Variants in DCK observed in about 807,000 individuals in gnomAD.
The protein encoded by DCK is deoxycytidine kinase.
DCK carries 23 observed loss-of-function variants against 38.3 expected under a neutral mutation model. That is an observed-to-expected ratio of 0.60 (90% CI 0.43 to 0.85). DCK has a LOEUF of 0.85. Among genes scored for constraint, DCK ranks in the 40% least tolerant of loss-of-function variants. The pLI is 0.00. For synonymous variants in DCK, 108 were observed against 100.6 expected, an observed-to-expected ratio of 1.07 and a Z score of -0.44; for missense variants, 259 against 304.4, an observed-to-expected ratio of 0.85 and a Z score of 1.11.
At chr4:71,027,410 G>T (rs1243463952) in intron 6 of DCK, among the ~76,000 whole-genome samples, 1 of 152,054 alleles carries the variant, frequency 6.6e-6, no homozygotes, top group South Asian at 2.1e-4. Flanking sequence ...TGTTAAGTGA[G>T]TGGTGCCCAT....
intron 2 of DCK, among the ~76,000 whole-genome samples, chr4:71,017,741 G>A (rs566837209): frequency 7.3e-6 from 1 of 136,740 alleles, no homozygotes; most frequent in South Asian, 2.4e-4. Context: ...AGAACTCTTG[G>A]ACACAGGAAT....
intron 6 of DCK, chr4:71,028,763 T>TTC (rs1740607076): frequency 3.1e-6 from 1 of 319,112 alleles, no homozygotes; most frequent in East Asian, 1.2e-4. Context: ...TAGCTAATTT[T>TTC]TTTTTTTTTT....
At chr4:71,023,799 T>C (rs1228933916) in intron 4 of DCK, 93 bp downstream of exon 4, 6 of 1,175,016 alleles carry the variant, frequency 5.1e-6, no homozygotes, top group Non-Finnish European at 7.0e-6. Flanking sequence ...TTAGTTTAAC[T>C]CCAGCCTCCC....
intron 2 of DCK, among the ~76,000 whole-genome samples, chr4:71,001,857 C>T (rs184837912): frequency 2.6e-5 from 4 of 152,194 alleles, no homozygotes; most frequent in Non-Finnish European, 4.4e-5. Context: ...TGATTCTTCC[C>T]GCTTTTCTTC....
At chr4:71,008,851 C>T (rs1415240097) in intron 2 of DCK, among the ~76,000 whole-genome samples, 1 of 152,110 alleles carries the variant, frequency 6.6e-6, no homozygotes, top group Non-Finnish European at 1.5e-5. Flanking sequence ...TCAGTTTATT[C>T]TTTATTTGGT....
At chr4:70,995,678 A>G (rs753874970) in intron 1 of DCK, among the ~76,000 whole-genome samples, 2 of 152,348 alleles carry the variant, frequency 1.3e-5, no homozygotes, top group Middle Eastern at 3.4e-3. Context: ...GTTAGGTAGC[A>G]TCATATTTAG....
intron 2 of DCK, among the ~76,000 whole-genome samples, chr4:71,002,852 CTT>C (rs1320311494): frequency 2.6e-5 from 4 of 152,094 alleles, no homozygotes; most frequent in African/African-American, 9.6e-5. Context: ...CTTTGTGTGT[CTT>C]TGCATGTGAG....
chr4:71,027,516 A>G (rs1473213790), intron 6 of DCK, among the ~76,000 whole-genome samples: 2 of 152,130 alleles, frequency 1.3e-5, no homozygotes, highest in Non-Finnish European at 1.5e-5. Flanking sequence ...CCATGTTGAT[A>G]ACTGAGTGAT....
intron 2 of DCK, among the ~76,000 whole-genome samples, chr4:71,012,809 A>T (rs183688966): frequency 1.3e-5 from 2 of 152,200 alleles, no homozygotes; most frequent in Non-Finnish European, 2.9e-5. Context: ...AACCACAAAG[A>T]TAGGGAAAAA....
chr4:70,997,169 G>A (rs1246537232), intron 1 of DCK, among the ~76,000 whole-genome samples: 1 of 152,120 alleles, frequency 6.6e-6, no homozygotes. Context: ...TTCAGACTCT[G>A]GTGGATGCCT....
intron 2 of DCK, chr4:71,006,472 A>AT (rs1005716529): frequency 1.9e-3 from 283 of 152,846 alleles, no homozygotes; most frequent in Middle Eastern, 6.8e-3. Flanking sequence ...TAATCCTGGA[A>AT]TTTTTTTTTT....
intron 2 of DCK, among the ~76,000 whole-genome samples, chr4:71,012,811 A>C (rs1389586925): frequency 3.3e-5 from 5 of 152,232 alleles, no homozygotes; most frequent in Non-Finnish European, 5.9e-5. Flanking sequence ...CCACAAAGAT[A>C]GGGAAAAACA....
chr4:71,013,078 C>G (rs1381572215), intron 2 of DCK, among the ~76,000 whole-genome samples: 1 of 152,136 alleles, frequency 6.6e-6, no homozygotes, highest in Non-Finnish European at 1.5e-5. Context: ...CCTGATGGAG[C>G]TGAAAACCAT....
chr4:71,028,830 TC>T (rs1740609695), intron 6 of DCK: 1 of 295,658 alleles, frequency 3.4e-6, no homozygotes, highest in Non-Finnish European at 6.6e-6. Flanking sequence ...CGATCTCAGC[TC>T]ACCACAACCT....
At chr4:70,996,378 T>G (rs1739660583) in intron 1 of DCK, among the ~76,000 whole-genome samples, 1 of 152,148 alleles carries the variant, frequency 6.6e-6, no homozygotes, top group African/African-American at 2.4e-5. Context: ...AAAAAAAAAT[T>G]AAATTTGTTG....
intron 2 of DCK, among the ~76,000 whole-genome samples, chr4:71,013,011 C>A (rs1578424230): frequency 6.6e-6 from 1 of 152,168 alleles, no homozygotes; most frequent in East Asian, 1.9e-4. Flanking sequence ...AGCTAAAAAC[C>A]TTGAAAAAAG....
At chr4:71,016,328 G>A (rs1335924971) in intron 2 of DCK, among the ~76,000 whole-genome samples, 1 of 152,120 alleles carries the variant, frequency 6.6e-6, no homozygotes, top group Admixed American at 6.6e-5. Flanking sequence ...TGGATAGGAA[G>A]AATCAATATC....
intron 2 of DCK, among the ~76,000 whole-genome samples, chr4:71,014,277 T>G (rs541835126): frequency 7.9e-5 from 12 of 152,254 alleles, no homozygotes; most frequent in African/African-American, 2.9e-4. Flanking sequence ...AGCAAGTCCT[T>G]AGAGACCTAC....
chr4:71,010,294 A>C (rs1046221658), intron 2 of DCK, among the ~76,000 whole-genome samples: 5 of 151,700 alleles, frequency 3.3e-5, no homozygotes, highest in Admixed American at 6.6e-5. Context: ...CCCTTCTCCA[A>C]ATCTCTCTTG....
Sources: gnomAD v4.1 joint callset for allele counts (sites outside exome capture counted in the v4.1 genomes callset) on GRCh38, gnomAD v4.1.1 for gene constraint, MANE v1.5 for transcripts, NCBI Gene and HGNC (gene_info 2026-07-23, HGNC 2026-07-21) for gene names.